Variants in PALM2AKAP2 observed in about 807,000 individuals in gnomAD.
PALM2AKAP2 encodes PALM2-AKAP2 fusion protein.
A neutral mutation model predicts 71.5 loss-of-function variants in PALM2AKAP2; 37 were observed. That is an observed-to-expected ratio of 0.52 (90% confidence interval 0.40 to 0.68). The LOEUF is 0.68. Ranked by LOEUF, PALM2AKAP2 falls within the 30% of genes least tolerant of loss-of-function variation. The pLI, the probability that PALM2AKAP2 is intolerant of heterozygous loss-of-function variation, is 0.00. For missense variants in PALM2AKAP2, 1,224 were observed against 1,191.8 expected, an observed-to-expected ratio of 1.03 and a Z score of -0.40; for synonymous variants, 468 against 478.8, an observed-to-expected ratio of 0.98 and a Z score of 0.29.
intron 5 of PALM2AKAP2, among the ~76,000 whole-genome samples, chr9:109,929,224 A>T (rs1162155291): frequency 6.7e-6 from 1 of 150,334 alleles, no homozygotes; most frequent in Non-Finnish European, 1.5e-5. Context: ...ATGCAGACAC[A>T]CATGTGACCA....
chr9:109,926,259 C>T (rs1229172753), intron 5 of PALM2AKAP2, among the ~76,000 whole-genome samples: 1 of 152,154 alleles, frequency 6.6e-6, no homozygotes, highest in Non-Finnish European at 1.5e-5. Context: ...AACAAACAAA[C>T]AAACAAACCT....
At chr9:109,665,909 C>T (rs76440086) in intron 1 of PALM2AKAP2, among the ~76,000 whole-genome samples, 12,631 of 152,306 alleles carry the variant, frequency 0.083, 587 homozygotes, top group African/African-American at 0.097. Flanking sequence ...GGATGCCCCT[C>T]CCCCAGCCAG....
chr9:109,734,626 A>G (rs1828602794), intron 1 of PALM2AKAP2, among the ~76,000 whole-genome samples: 1 of 152,198 alleles, frequency 6.6e-6, no homozygotes, highest in Non-Finnish European at 1.5e-5. Context: ...GAGTGTATAA[A>G]GAGGCAGGAG....
At chr9:109,738,953 G>A (rs567038442) in intron 1 of PALM2AKAP2, among the ~76,000 whole-genome samples, 1 of 152,286 alleles carries the variant, frequency 6.6e-6, no homozygotes, top group African/African-American at 2.4e-5. Flanking sequence ...CGAACTCTCA[G>A]AATTTCCATT....
At position 109,954,032 on chromosome 9, in the gene PALM2AKAP2, G is replaced by A. The variant is rs184428076; in HGVS notation, c.496+22004G>A. Among the ~76,000 whole-genome samples the A allele has an allele frequency of 5.9e-5, 9 of 152,136 alleles. No homozygotes were observed. In the East Asian group the frequency reaches 1.7e-3, roughly 29 times the overall value. ...GGAGGCTGGGAGGCATCTCTGCAGC[G>A]CTTCCTTACCAAAGGAGAAGCGGAG... On this transcript the variant is annotated intron_variant, in intron 6 of 9. Transcript: ENST00000302798.
At chr9:109,872,824 G>T (rs1829635785) in intron 2 of PALM2AKAP2, among the ~76,000 whole-genome samples, 1 of 152,176 alleles carries the variant, frequency 6.6e-6, no homozygotes. Flanking sequence ...TTACTGGGAT[G>T]TGTGAAAGAC....
At chr9:109,762,206 A>G (rs757367623) in intron 1 of PALM2AKAP2, among the ~76,000 whole-genome samples, 2 of 152,002 alleles carry the variant, frequency 1.3e-5, no homozygotes, top group Non-Finnish European at 2.9e-5. Context: ...TGTAGTTCCC[A>G]AAGAGGTCTT....
intron 1 of PALM2AKAP2, among the ~76,000 whole-genome samples, chr9:110,101,343 A>G (rs952078685): frequency 6.6e-6 from 1 of 152,114 alleles, no homozygotes; most frequent in Non-Finnish European, 1.5e-5. Flanking sequence ...ATGTCCAGAA[A>G]TTTAGCCACC....
intron 1 of PALM2AKAP2, among the ~76,000 whole-genome samples, chr9:110,071,034 C>A (rs149408308): frequency 6.6e-6 from 1 of 151,732 alleles, no homozygotes; most frequent in African/African-American, 2.4e-5. Flanking sequence ...CATGGTGGTA[C>A]GTGCCTGTAG....
exon 2 of PALM2AKAP2, chr9:110,138,522 G>T: frequency 1.2e-6 from 2 of 1,604,056 alleles, no homozygotes; most frequent in Non-Finnish European, 1.7e-6. Flanking sequence ...TCCAGAACAT[G>T]CTACAAAACT....
chr9:110,115,240 G>A (rs74450463), intron 1 of PALM2AKAP2, among the ~76,000 whole-genome samples: 55 of 152,320 alleles, frequency 3.6e-4, no homozygotes, highest in African/African-American at 1.3e-3. Flanking sequence ...AGAGAGGTGT[G>A]AATCCATGTG....
upstream of PALM2AKAP2, among the ~76,000 whole-genome samples, chr9:109,779,205 A>C (rs1002332296): frequency 6.6e-6 from 1 of 151,964 alleles, no homozygotes; most frequent in Admixed American, 6.5e-5. Flanking sequence ...TCCTGCCTCA[A>C]TGTGAAGAGG....
chr9:109,650,220 C>T (rs1432444229), intron 1 of PALM2AKAP2, among the ~76,000 whole-genome samples: 1 of 152,064 alleles, frequency 6.6e-6, no homozygotes, highest in East Asian at 1.9e-4. Context: ...CACCACCAAA[C>T]ATTGGGCCTT....
chr9:109,934,763 ATTG>A (rs981135717), intron 6 of PALM2AKAP2, among the ~76,000 whole-genome samples: 4 of 152,126 alleles, frequency 2.6e-5, no homozygotes, highest in Non-Finnish European at 4.4e-5. Context: ...TATCCATAGA[ATTG>A]TTGTTTCTGA....
chr9:110,082,952 A>T (rs903303729), intron 1 of PALM2AKAP2, among the ~76,000 whole-genome samples: 1 of 151,864 alleles, frequency 6.6e-6, no homozygotes, highest in South Asian at 2.1e-4. Context: ...GATCACCCTG[A>T]CCAACATGGA....
chr9:110,066,738 G>A (rs1306111525), intron 1 of PALM2AKAP2, among the ~76,000 whole-genome samples: 1 of 151,478 alleles, frequency 6.6e-6, no homozygotes, highest in Non-Finnish European at 1.5e-5. Flanking sequence ...GAAACAGGCT[G>A]GCACACGGTT....
chr9:110,100,263 C>G (rs747127528), intron 1 of PALM2AKAP2, among the ~76,000 whole-genome samples: 2 of 151,834 alleles, frequency 1.3e-5, no homozygotes, highest in Non-Finnish European at 2.9e-5. Flanking sequence ...GCCTTGCTGC[C>G]GTCCTGGAAG....
At chr9:109,724,410 G>A (rs900306578) in intron 1 of PALM2AKAP2, among the ~76,000 whole-genome samples, 2 of 152,258 alleles carry the variant, frequency 1.3e-5, no homozygotes, top group African/African-American at 4.8e-5. Context: ...ATATGTACAG[G>A]TGAATGAAAA....
chr9:110,018,485 C>T (rs1402378526), intron 7 of PALM2AKAP2, among the ~76,000 whole-genome samples: 13 of 152,080 alleles, frequency 8.5e-5, no homozygotes, highest in Admixed American at 6.6e-4. Flanking sequence ...CATGTGCCAC[C>T]ATGCCTGGCT....
Sources: gnomAD v4.1 joint callset for allele counts (sites outside exome capture counted in the v4.1 genomes callset) on GRCh38, gnomAD v4.1.1 for gene constraint, MANE v1.5 for transcripts, NCBI Gene and HGNC (gene_info 2026-07-23, HGNC 2026-07-21) for gene names.